Variants in CSMD1 observed in about 807,000 individuals in gnomAD.
CSMD1 encodes CUB and sushi domain-containing protein 1.
In CSMD1, 213 loss-of-function variants were observed where a neutral mutation model predicts 417.5. The ratio of observed to expected loss-of-function variants is 0.51; its 90% CI spans 0.46 to 0.57. The LOEUF is 0.57. CSMD1 is among the 20% of genes least tolerant of loss of function. The probability of loss-of-function intolerance (pLI) is 0.00; values close to 1 mark genes in which losing one functional copy is unlikely to be tolerated. For missense variants in CSMD1, 6,923 were observed against 4,529.7 expected (o/e 1.53, Z -15.17); for synonymous variants, 2,862 against 1,736.8 (o/e 1.65, Z -16.11).
intron 5 of CSMD1, among the ~76,000 whole-genome samples, chr8:3,779,450 T>A (rs17063157): frequency 0.026 from 3,941 of 152,278 alleles, 181 homozygotes; most frequent in East Asian, 0.15. Flanking sequence ...GTTGTCATTT[T>A]AAAATTTTAG....
At chr8:3,049,724 AT>A (rs1811692133) in intron 50 of CSMD1, among the ~76,000 whole-genome samples, 1 of 152,096 alleles carries the variant, frequency 6.6e-6, no homozygotes, top group African/African-American at 2.4e-5. Flanking sequence ...AAGCCCACAG[AT>A]GGTGCAACAC....
chr8:3,845,032 T>C (rs987736791), intron 5 of CSMD1, among the ~76,000 whole-genome samples: 2 of 152,192 alleles, frequency 1.3e-5, no homozygotes, highest in African/African-American at 4.8e-5. Flanking sequence ...TATAATTTTA[T>C]AACACAATAA....
intron 2 of CSMD1, among the ~76,000 whole-genome samples, chr8:4,425,708 G>T (rs940364777): frequency 6.6e-6 from 1 of 152,036 alleles, no homozygotes; most frequent in African/African-American, 2.4e-5. Context: ...TCAACACATA[G>T]TAAATTACGA....
chr8:3,767,104 T>C (rs1798314834), intron 5 of CSMD1, among the ~76,000 whole-genome samples: 1 of 152,226 alleles, frequency 6.6e-6, no homozygotes, highest in Non-Finnish European at 1.5e-5. Context: ...CTCACTCAAG[T>C]ACAGTAGCCG....
chr8:4,062,159 G>A (rs1799006091), intron 3 of CSMD1, among the ~76,000 whole-genome samples: 1 of 152,066 alleles, frequency 6.6e-6, no homozygotes, highest in African/African-American at 2.4e-5. Context: ...ACTGATACCA[G>A]AAACACGCAA....
intron 5 of CSMD1, among the ~76,000 whole-genome samples, chr8:3,842,785 CTT>C (rs1803219438): frequency 6.6e-6 from 1 of 152,086 alleles, no homozygotes; most frequent in Non-Finnish European, 1.5e-5. Context: ...TCAAAACTGT[CTT>C]TTAAAAAGTT....
At chr8:3,520,555 C>G (rs113968493) in intron 10 of CSMD1, among the ~76,000 whole-genome samples, 6,605 of 152,216 alleles carry the variant, frequency 0.043, 482 homozygotes, top group African/African-American at 0.15. Flanking sequence ...CCCATCATTT[C>G]TAGAAGTGCG....
chr8:4,482,386 G>T (rs1458874595), intron 2 of CSMD1, among the ~76,000 whole-genome samples: 1 of 152,056 alleles, frequency 6.6e-6, no homozygotes, highest in East Asian at 1.9e-4. Flanking sequence ...AAGGATAATG[G>T]CCTCCAGCTC....
chr8:3,872,407 C>T (rs532638973), intron 5 of CSMD1, among the ~76,000 whole-genome samples: 4 of 152,256 alleles, frequency 2.6e-5, no homozygotes, highest in East Asian at 1.9e-4. Flanking sequence ...TCATTACTAC[C>T]TTCCTGAAGT....
intron 18 of CSMD1, among the ~76,000 whole-genome samples, chr8:3,384,282 A>G (rs1293161843): frequency 6.6e-6 from 1 of 152,136 alleles, no homozygotes; most frequent in Non-Finnish European, 1.5e-5. Flanking sequence ...TCTTCAATCA[A>G]TGTGTAACTT....
At chr8:2,944,280 T>C (rs998475287) in intron 68 of CSMD1, among the ~76,000 whole-genome samples, 9 of 152,100 alleles carry the variant, frequency 5.9e-5, no homozygotes, top group African/African-American at 2.2e-4. Context: ...CTGAGATGGT[T>C]TAAAATTTGT....
At chr8:4,289,306 T>A (rs1265859285) in intron 3 of CSMD1, among the ~76,000 whole-genome samples, 3 of 152,222 alleles carry the variant, frequency 2.0e-5, no homozygotes, top group African/African-American at 7.2e-5. Flanking sequence ...CCATTATATA[T>A]GAGATTGCTA....
At position 2,938,393 on chromosome 8, in the gene CSMD1, T is replaced by A; in HGVS notation, c.*192A>T. 1 of 527,498 alleles carries A rather than the reference T, an allele frequency of 1.9e-6. No individual in the cohort carries two copies. The highest frequency in any genetic ancestry group is 3.3e-6 in the Non-Finnish European group (1 of 305,688). 32.7% of individuals were successfully genotyped at this position (527,498 alleles called of 1,614,324 possible). A position where few individuals can be genotyped will look rare whatever the true frequency, so the allele number is the denominator to read the frequency against. ...AACCCACTTTTGGAATGAAAACGCA[T>A]GTGTAGTTTGATCCGTAGAAGACCC... On this transcript the variant is annotated 3_prime_UTR_variant, in exon 70 of 70. Transcript: ENST00000635120.
intron 37 of CSMD1, among the ~76,000 whole-genome samples, chr8:3,167,360 C>G (rs569329296): frequency 1.3e-5 from 2 of 150,406 alleles, no homozygotes; most frequent in East Asian, 3.9e-4. Flanking sequence ...GCAAAAACCA[C>G]AATTATTTTT....
intron 10 of CSMD1, among the ~76,000 whole-genome samples, chr8:3,499,760 G>T (rs886736442): frequency 3.3e-5 from 5 of 152,092 alleles, no homozygotes; most frequent in African/African-American, 9.6e-5. Context: ...TCATAGTCCT[G>T]CATCCTTCTC....
At chr8:4,847,102 A>G (rs1435178505) in intron 1 of CSMD1, among the ~76,000 whole-genome samples, 1 of 152,210 alleles carries the variant, frequency 6.6e-6, no homozygotes, top group Non-Finnish European at 1.5e-5. Flanking sequence ...TCGTGTATCA[A>G]GCTTTGATGT....
chr8:4,086,688 C>T (rs1043922266), intron 3 of CSMD1, among the ~76,000 whole-genome samples: 1 of 152,194 alleles, frequency 6.6e-6, no homozygotes, highest in East Asian at 1.9e-4. Context: ...TTTAAGCAAC[C>T]TGAACTTCTT....
At chr8:4,446,216 T>A (rs770327465) in intron 2 of CSMD1, among the ~76,000 whole-genome samples, 1 of 152,152 alleles carries the variant, frequency 6.6e-6, no homozygotes, top group Non-Finnish European at 1.5e-5. Flanking sequence ...TCCACAATCA[T>A]CTATTTCTAG....
intron 1 of CSMD1, among the ~76,000 whole-genome samples, chr8:4,809,763 T>C (rs972467920): frequency 2.0e-5 from 3 of 152,178 alleles, no homozygotes; most frequent in Admixed American, 6.5e-5. Context: ...ATAATTCATG[T>C]TTTTTTACAC....
Sources: gnomAD v4.1 joint callset for allele counts (sites outside exome capture counted in the v4.1 genomes callset) on GRCh38, gnomAD v4.1.1 for gene constraint, MANE v1.5 for transcripts, NCBI Gene and HGNC (gene_info 2026-07-23, HGNC 2026-07-21) for gene names.